Variants in MEI1 observed in about 807,000 individuals in gnomAD.
MEI1 encodes meiotic double-stranded break formation protein 1.
A neutral mutation model predicts 146.2 loss-of-function variants in MEI1; 103 were observed. The observed-to-expected ratio is 0.70, with a 90% CI of 0.60 to 0.83. MEI1 has a LOEUF of 0.83. MEI1 is among the 40% of genes least tolerant of loss of function. The pLI is 0.00. For missense variants in MEI1, 1,529 were observed against 1,533.0 expected, an observed-to-expected ratio of 1.00 and a Z score of 0.04; for synonymous variants, 652 against 628.2, an observed-to-expected ratio of 1.04 and a Z score of -0.57.
intron 18 of MEI1, among the ~76,000 whole-genome samples, chr22:41,761,956 G>C (rs964297329): frequency 4.6e-5 from 7 of 152,194 alleles, no homozygotes; most frequent in African/African-American, 1.7e-4. Flanking sequence ...TTTGTACCGT[G>C]TATCAGTACT....
At position 41,752,606 on chromosome 22, in the gene MEI1, T is replaced by TAA. The variant is rs766785677; in HGVS notation, c.1809_1810insAA (p.Arg604AsnfsTer3). On this transcript the variant is annotated frameshift_variant, in exon 16 of 31. Coordinates refer to ENST00000401548, the MANE Select transcript of MEI1 (RefSeq NM_152513.4). LOFTEE classifies it high-confidence loss of function. ...TTCTCTGAAGCTTCCTCATCCTTCA[T>TAA]ACGACTGACCCTGGAGCTGAAGGCC... 3 of 1,599,370 alleles carry TAA rather than the reference T, an allele frequency of 1.9e-6. No individual in the cohort carries two copies. The highest frequency in any genetic ancestry group is 2.3e-5 in the South Asian group (2 of 87,772).
At chr22:41,765,795 A>C (rs1184602490) in intron 19 of MEI1, among the ~76,000 whole-genome samples, 1 of 151,942 alleles carries the variant, frequency 6.6e-6, no homozygotes, top group Admixed American at 6.6e-5. Flanking sequence ...ATCAGTGTAC[A>C]GTGATCAAAA....
Position 41,723,937 on chromosome 22 carries a change from T to C in MEI1, c.734-6T>C. The C allele has an allele frequency of 6.3e-7, 1 of 1,590,218 alleles. No homozygotes were observed. On this transcript the variant is annotated splice_region_variant and splice_polypyrimidine_tract_variant and intron_variant, in intron 6 of 30. Transcript: ENST00000401548. ...TGCCTTACTTCCCAATCCCTTTGTT[T>C]CCTAGGTTTGCTGAGGCAGCTGTTG...
chr22:41,726,015 C>T (rs1390063208), intron 7 of MEI1, among the ~76,000 whole-genome samples: 1 of 152,156 alleles, frequency 6.6e-6, no homozygotes, highest in Non-Finnish European at 1.5e-5. Flanking sequence ...TGCAGTGGCT[C>T]ATGCCTGTAA....
chr22:41,735,325 G>A (rs967885503), intron 11 of MEI1, among the ~76,000 whole-genome samples: 5 of 141,388 alleles, frequency 3.5e-5, no homozygotes, highest in Non-Finnish European at 7.6e-5. Context: ...TCTGCCTCCC[G>A]GGTTCAAGTG....
chr22:41,713,358 C>T (rs1453189492), intron 3 of MEI1, among the ~76,000 whole-genome samples: 1 of 152,026 alleles, frequency 6.6e-6, no homozygotes, highest in African/African-American at 2.4e-5. Flanking sequence ...GTCCCAGCTG[C>T]TTGAGAGCCT....
intron 19 of MEI1, 87 bp from the exon 20 acceptor site, chr22:41,770,599 A>C (rs2075122539): frequency 2.3e-6 from 3 of 1,316,190 alleles, no homozygotes; most frequent in Admixed American, 2.5e-5. Flanking sequence ...ATGACAGTAC[A>C]TTTTTCCTAG....
chr22:41,721,114 C>G (rs1007334469), intron 6 of MEI1, among the ~76,000 whole-genome samples: 5 of 151,170 alleles, frequency 3.3e-5, no homozygotes, highest in African/African-American at 1.2e-4. Flanking sequence ...GGGGTTTCAC[C>G]ATGTTAGCCA....
intron 9 of MEI1, among the ~76,000 whole-genome samples, chr22:41,731,500 G>A (rs753612706): frequency 1.4e-4 from 21 of 149,250 alleles, no homozygotes; most frequent in Admixed American, 2.0e-4. Context: ...GATTAGAGGC[G>A]ACTGCCAGCA....
At chr22:41,711,079 A>C (rs909104179) in intron 3 of MEI1, among the ~76,000 whole-genome samples, 1 of 152,218 alleles carries the variant, frequency 6.6e-6, no homozygotes, top group African/African-American at 2.4e-5. Context: ...GATGTTCTTT[A>C]GGGAGCATTC....
chr22:41,701,307 C>G (rs1321893498), intron 1 of MEI1, among the ~76,000 whole-genome samples: 1 of 151,910 alleles, frequency 6.6e-6, no homozygotes, highest in African/African-American at 2.4e-5. Flanking sequence ...GTCTCAAAAA[C>G]TCCACTGTAC....
In MEI1 at chr22:41,743,119, A is replaced by G. The variant is rs2147755224; in HGVS notation, c.1371A>G (p.Glu457=). The G allele has an allele frequency of 1.2e-6, 2 of 1,613,302 alleles. No individual in the cohort carries two copies. The highest frequency in any genetic ancestry group is 2.2e-5 in the East Asian group (1 of 44,870). ...GCACTCCACCTGTGCAGTATGGGGA[A>G]CTGCAGGCTTTGCTAGAAGCCATGC... ...HQSTPPVQYG[E]LQALLEAMLN... The change falls in exon 12 of 31, where the codon GAA becomes GAG. Residue 457 remains glutamate (E), a synonymous_variant. Transcript: ENST00000401548.
At chr22:41,752,455 A>G (rs2073822221) in intron 15 of MEI1, 136 bp from the exon 16 acceptor site, 1 of 762,676 alleles carries the variant, frequency 1.3e-6, no homozygotes, top group South Asian at 1.7e-5. Flanking sequence ...TGAAACTACT[A>G]GACAGTGGTG....
intron 11 of MEI1, among the ~76,000 whole-genome samples, chr22:41,733,447 T>C (rs954964473): frequency 1.3e-5 from 2 of 150,466 alleles, no homozygotes; most frequent in Admixed American, 1.3e-4. Flanking sequence ...AGACCTTGTC[T>C]CAAAAGAAAA....
Position 41,716,192 on chromosome 22 carries a change from T to C in MEI1, c.529+46T>C, listed in dbSNP as rs1425397750. The C allele has an allele frequency of 3.8e-6, 5 of 1,322,872 alleles. No individual in the cohort carries two copies. The African/African-American group carries it at 5.8e-5, about 15-fold the overall frequency. The allele number at this position is 1,322,872 out of a possible 1,614,324, so 81.9% of individuals were successfully genotyped here. A position where few individuals can be genotyped will look rare whatever the true frequency, so the allele number is the denominator to read the frequency against. Reference sequence around the variant, plus strand: ...GCTGCCACTACCCTTTTACCTGCTTTTATCATACTGCCATTTGGGTGTCCC... The same window carrying C: ...GCTGCCACTACCCTTTTACCTGCTTCTATCATACTGCCATTTGGGTGTCCC... On this transcript the variant is annotated intron_variant, in intron 5 of 30. Coordinates refer to ENST00000401548, the MANE Select transcript of MEI1 (RefSeq NM_152513.4).
chr22:41,782,963 A>G (rs757812758), intron 24 of MEI1, among the ~76,000 whole-genome samples: 49 of 151,866 alleles, frequency 3.2e-4, no homozygotes, highest in Non-Finnish European at 1.0e-4. Flanking sequence ...CCTCCTCTGC[A>G]TGTCCTATCA....
rs187597168 is a variant in MEI1, at chr22:41,758,575, C to T, written c.2120+42C>T. ...GGGTGGCTGGTGGTGGGTCTTGGGA[C>T]CTTCATCAGCAGTTCAGTTCAATAA... On this transcript the variant is annotated intron_variant, in intron 18 of 30. Coordinates refer to ENST00000401548, the MANE Select transcript of MEI1 (RefSeq NM_152513.4). 1.9e-6 allele frequency: 3 copies of T among 1,572,822 alleles called. No homozygotes were observed. The Admixed American group carries it at 5.3e-5, about 28-fold the overall frequency.
Position 41,714,222 on chromosome 22 carries a change from A to T in MEI1, c.423+147A>T, listed in dbSNP as rs56251024. The T allele has an allele frequency of 5.8e-3, 4,035 of 700,018 alleles. 24 individuals are homozygous for T. Among genetic ancestry groups the T allele is most frequent in the Non-Finnish European group, 8.4e-3 (3,469 of 412,190 alleles). 43.4% of individuals were successfully genotyped at this position (700,018 alleles called of 1,614,324 possible). On this transcript the variant is annotated intron_variant, in intron 4 of 30. Coordinates refer to ENST00000401548, the MANE Select transcript of MEI1 (RefSeq NM_152513.4). ...TGAGTTGGTGGCAGAGTCAGAGCTA[A>T]GGCCTGGGTCCACTGATCATGCTCC...
intron 11 of MEI1, among the ~76,000 whole-genome samples, chr22:41,735,426 GT>G (rs1196370135): frequency 6.6e-6 from 1 of 152,006 alleles, no homozygotes; most frequent in African/African-American, 2.4e-5. Context: ...TAGAGACGGG[GT>G]TTCTCCATGT....
Sources: gnomAD v4.1 joint callset for allele counts (sites outside exome capture counted in the v4.1 genomes callset) on GRCh38, gnomAD v4.1.1 for gene constraint, MANE v1.5 for transcripts, NCBI Gene and HGNC (gene_info 2026-07-23, HGNC 2026-07-21) for gene names.